LIMA1: variants seen among roughly 807,000 people sequenced by gnomAD.
LIMA1 encodes LIM domain and actin-binding protein 1.
Under a neutral mutation model 62.6 loss-of-function variants are expected in LIMA1, and 52 were observed. The ratio of observed to expected loss-of-function variants is 0.83; its 90% CI spans 0.67 to 1.05. The LOEUF (loss-of-function observed/expected upper bound fraction) is 1.05, where lower values mean the gene tolerates loss of function less well. Ranked by LOEUF, LIMA1 falls within the 50% of genes least tolerant of loss-of-function variation. The pLI is 0.00. For synonymous variants in LIMA1, 302 were observed against 317.8 expected (o/e 0.95, Z 0.53); for missense variants, 780 against 902.2 (o/e 0.86, Z 1.74).
intron 2 of LIMA1, among the ~76,000 whole-genome samples, chr12:50,242,487 T>C (rs1375585614): frequency 6.6e-6 from 1 of 152,060 alleles, no homozygotes; most frequent in Non-Finnish European, 1.5e-5. Flanking sequence ...TCCTCCTGTT[T>C]CCTGGAACTA....
In LIMA1 at chr12:50,248,614, G is replaced by C. The variant is rs1404378096; in HGVS notation, c.119+19C>G. 1.9e-5 allele frequency: 28 copies of C among 1,468,302 alleles called. No homozygotes were observed. Among genetic ancestry groups the C allele is most frequent in the Non-Finnish European group, 2.6e-5 (27 of 1,047,540 alleles). The allele number at this position is 1,468,302 out of a possible 1,614,324, so 91.0% of individuals were successfully genotyped here. On this transcript the variant is annotated intron_variant, in intron 2 of 10. Transcript: ENST00000341247. ...GTGCTCCAGACAGATGGTCCTTTTG[G>C]ACCAGGATCAGCACTTACTTGGAGA...
intron 1 of LIMA1, among the ~76,000 whole-genome samples, chr12:50,282,707 T>C (rs1481930114): frequency 6.6e-6 from 1 of 152,170 alleles, no homozygotes; most frequent in Non-Finnish European, 1.5e-5. Flanking sequence ...AAGACAATAG[T>C]AGTTCAAATA....
At chr12:50,219,693 T>A (rs1941409074) in intron 4 of LIMA1, 1 of 152,152 alleles carries the variant, frequency 6.6e-6, no homozygotes, top group African/African-American at 2.4e-5. Flanking sequence ...CTCTTCCATC[T>A]TCTTGTTTTT....
At chr12:50,275,756 A>C (rs935976681) in intron 1 of LIMA1, among the ~76,000 whole-genome samples, 26 of 152,226 alleles carry the variant, frequency 1.7e-4, no homozygotes, top group Admixed American at 1.4e-3. Context: ...CAGGAAACAG[A>C]GAATTATTGT....
intron 2 of LIMA1, among the ~76,000 whole-genome samples, chr12:50,243,344 G>A (rs1941803903): frequency 6.6e-6 from 1 of 152,150 alleles, no homozygotes; most frequent in Non-Finnish European, 1.5e-5. Context: ...TTTTTAGCTA[G>A]GCTTGTATAG....
chr12:50,201,222 G>A (rs1249272124), intron 6 of LIMA1: 29 of 1,049,372 alleles, frequency 2.8e-5, no homozygotes, highest in Non-Finnish European at 3.3e-5. Context: ...GTAATGCAAA[G>A]CTTGTGAGTT....
At chr12:50,219,932 T>C (rs1036942994) in intron 4 of LIMA1, among the ~76,000 whole-genome samples, 1 of 151,692 alleles carries the variant, frequency 6.6e-6, no homozygotes, top group East Asian at 1.9e-4. Flanking sequence ...GCAATCCTCC[T>C]GCCTTGGGCC....
intron 1 of LIMA1, among the ~76,000 whole-genome samples, chr12:50,267,270 A>G (rs1053200503): frequency 2.6e-5 from 4 of 151,982 alleles, no homozygotes; most frequent in Non-Finnish European, 5.9e-5. Context: ...ATGGGGTTTC[A>G]CCGTGTTAGC....
At chr12:50,263,502 G>A (rs1007265217) in intron 1 of LIMA1, among the ~76,000 whole-genome samples, 2 of 152,116 alleles carry the variant, frequency 1.3e-5, no homozygotes, top group African/African-American at 4.8e-5. Flanking sequence ...GAATGCAATC[G>A]AAAATGTCAA....
intron 9 of LIMA1, among the ~76,000 whole-genome samples, chr12:50,182,935 GGCTCATGCTTGTAATCCC>G: frequency 6.6e-6 from 1 of 152,184 alleles, no homozygotes; most frequent in Non-Finnish European, 1.5e-5. Context: ...CAGGTGCGGT[GGCTCATGCTTGTAATCCC>G]AGCACTTTAG....
At position 50,228,100 on chromosome 12, in the gene LIMA1, C is replaced by T. The variant is rs531743228; in HGVS notation, c.165+3565G>A. 3.9e-4 allele frequency among the ~76,000 whole-genome samples: 59 copies of T among 152,188 alleles called. 1 individual carries two copies. The highest frequency in any genetic ancestry group is 1.2e-3 in the East Asian group (6 of 5,178). Reference sequence around the variant, plus strand: ...GTCTCGATCTCCTGACCTTGTGATCCGCCCGCCTCGGCCTCCCAAAGTGCT... The same window carrying T: ...GTCTCGATCTCCTGACCTTGTGATCTGCCCGCCTCGGCCTCCCAAAGTGCT... On this transcript the variant is annotated intron_variant, in intron 3 of 10. Transcript: ENST00000341247.
At chr12:50,221,263 C>T (rs973926747) in intron 4 of LIMA1, among the ~76,000 whole-genome samples, 2 of 152,030 alleles carry the variant, frequency 1.3e-5, no homozygotes, top group African/African-American at 4.8e-5. Context: ...TGTACAAAGC[C>T]AGATATATAG....
intron 1 of LIMA1, among the ~76,000 whole-genome samples, chr12:50,272,892 T>C (rs1942230676): frequency 6.7e-6 from 1 of 149,812 alleles, no homozygotes; most frequent in Non-Finnish European, 1.5e-5. Context: ...CTAAAAAAAA[T>C]ACAAAAAATT....
chr12:50,183,515 A>T (rs1181510456), intron 9 of LIMA1, among the ~76,000 whole-genome samples: 1 of 152,000 alleles, frequency 6.6e-6, no homozygotes, highest in Non-Finnish European at 1.5e-5. Context: ...AATTTTGAGT[A>T]AAAAAAATCC....
At chr12:50,252,106 G>A (rs1460408287) in intron 1 of LIMA1, among the ~76,000 whole-genome samples, 1 of 152,168 alleles carries the variant, frequency 6.6e-6, no homozygotes, top group African/African-American at 2.4e-5. Flanking sequence ...TATGCGTGGT[G>A]TAGGAATACA....
chr12:50,221,001 T>C (rs1044355417), intron 4 of LIMA1, among the ~76,000 whole-genome samples: 2 of 152,216 alleles, frequency 1.3e-5, no homozygotes, highest in African/African-American at 4.8e-5. Flanking sequence ...TGACTGGCAC[T>C]GCAAGTCATG....
At chr12:50,184,972 C>T (rs983371974) in intron 9 of LIMA1, among the ~76,000 whole-genome samples, 2 of 152,078 alleles carry the variant, frequency 1.3e-5, no homozygotes, top group Non-Finnish European at 2.9e-5. Context: ...GCTGGGATTA[C>T]AGGCGTGCAC....
chr12:50,197,984 G>GTGGGGGA (rs1297707982), intron 7 of LIMA1, among the ~76,000 whole-genome samples: 6 of 152,202 alleles, frequency 3.9e-5, no homozygotes, highest in African/African-American at 1.4e-4. Flanking sequence ...CTGCAAGGAT[G>GTGGGGGA]TTTGCAATTT....
At chr12:50,258,558 A>G (rs1333093617) in intron 1 of LIMA1, among the ~76,000 whole-genome samples, 1 of 151,756 alleles carries the variant, frequency 6.6e-6, no homozygotes, top group Admixed American at 6.6e-5. Flanking sequence ...CAGCCTCCCA[A>G]AGTGCTGGGA....
Sources: gnomAD v4.1 joint callset for allele counts (sites outside exome capture counted in the v4.1 genomes callset) on GRCh38, gnomAD v4.1.1 for gene constraint, MANE v1.5 for transcripts, NCBI Gene and HGNC (gene_info 2026-07-23, HGNC 2026-07-21) for gene names.